The following ARHGAP19 variants were observed in gnomAD, a reference collection of about 807,000 sequenced individuals.
ARHGAP19 encodes the protein Rho GTPase activating protein 19.
Under a neutral mutation model 60.9 loss-of-function variants are expected in ARHGAP19, and 48 were observed. The observed-to-expected ratio is 0.79, with a 90% confidence interval of 0.62 to 1.00. The LOEUF is 1.00. ARHGAP19 is among the 50% of genes least tolerant of loss of function. The pLI is 0.00. For synonymous variants in ARHGAP19, 209 were observed against 215.5 expected (o/e 0.97, Z 0.27); for missense variants, 562 against 597.2 (o/e 0.94, Z 0.61).
chr10:97,244,766 C>A (rs1842538793), intron 7 of ARHGAP19, among the ~76,000 whole-genome samples: 1 of 151,958 alleles, frequency 6.6e-6, no homozygotes, highest in African/African-American at 2.4e-5. Context: ...GAGGGAGAAA[C>A]AAATAGGAGC....
chr10:97,236,493 G>A (rs1263175724), intron 8 of ARHGAP19, among the ~76,000 whole-genome samples: 1 of 152,090 alleles, frequency 6.6e-6, no homozygotes, highest in Non-Finnish European at 1.5e-5. Context: ...AGTAAAAAAT[G>A]CATCTTTCCT....
Position 97,265,944 on chromosome 10 carries a change from T to A in ARHGAP19, c.238A>T (p.Met80Leu). The change falls in exon 2 of 12, where the codon ATG becomes TTG. Residue 80 changes from methionine to leucine, a missense_variant. Transcript: ENST00000358531. Reference sequence around the variant, plus strand: ...GGCAACTTAAGGTCCACTTCCCCCATCAGCTGAGCCAACTCAGTTCCAGGT... The same window carrying A: ...GGCAACTTAAGGTCCACTTCCCCCAACAGCTGAGCCAACTCAGTTCCAGGT... ...DLPGTELAQLMGEVDLKLPGG... is the reference protein window; with the variant it reads ...DLPGTELAQLLGEVDLKLPGG... The A allele has an allele frequency of 3.1e-6, 5 of 1,614,088 alleles. No individual in the cohort carries two copies. The highest frequency in any genetic ancestry group is 4.2e-6 in the Non-Finnish European group (5 of 1,180,020).
chr10:97,236,256 C>T (rs1842376550), intron 8 of ARHGAP19, among the ~76,000 whole-genome samples: 1 of 152,130 alleles, frequency 6.6e-6, no homozygotes, highest in African/African-American at 2.4e-5. Flanking sequence ...GGATTACAGG[C>T]GTGAGACACC....
intron 5 of ARHGAP19, among the ~76,000 whole-genome samples, chr10:97,257,391 G>A (rs1158382811): frequency 1.3e-5 from 2 of 148,442 alleles, no homozygotes; most frequent in African/African-American, 2.5e-5. Flanking sequence ...TGGCTCAAGC[G>A]ATCCTCCCAC....
intron 1 of ARHGAP19, among the ~76,000 whole-genome samples, chr10:97,273,558 G>T (rs555746304): frequency 1.5e-5 from 2 of 136,472 alleles, no homozygotes; most frequent in African/African-American, 5.5e-5. Context: ...GCACTATCCT[G>T]GCTCACTGTA....
intron 1 of ARHGAP19, among the ~76,000 whole-genome samples, chr10:97,272,190 C>G (rs1758241151): frequency 8.1e-6 from 1 of 124,040 alleles, no homozygotes; most frequent in Non-Finnish European, 1.6e-5. Flanking sequence ...AACTGGAGTG[C>G]AGTGGCACGA....
Position 97,223,166 on chromosome 10 carries a change from C to T in ARHGAP19, c.*2956G>A, listed in dbSNP as rs187070612. On this transcript the variant is annotated 3_prime_UTR_variant, in exon 12 of 12. Coordinates refer to ENST00000358531, the MANE Select transcript of ARHGAP19 (RefSeq NM_032900.6). Reference sequence around the variant, plus strand: ...ACTAGCCCATTTCCCAAGGGTGTTCCCTTGTCCTTCCTGAATGACTCTGGA... The same window carrying T: ...ACTAGCCCATTTCCCAAGGGTGTTCTCTTGTCCTTCCTGAATGACTCTGGA... 1.3e-5 allele frequency: 2 copies of T among 152,296 alleles called. No homozygotes were observed. Among genetic ancestry groups the T allele is most frequent in the East Asian group, 3.9e-4 (2 of 5,180 alleles). 9.4% of individuals were successfully genotyped at this position (152,296 alleles called of 1,614,324 possible).
At chr10:97,258,210 T>A (rs1842781510) in intron 5 of ARHGAP19, among the ~76,000 whole-genome samples, 1 of 152,100 alleles carries the variant, frequency 6.6e-6, no homozygotes, top group South Asian at 2.1e-4. Context: ...AAAAAATGGC[T>A]TGTAGACAGC....
chr10:97,222,579 T>G lies in ARHGAP19; in HGVS notation c.*3543A>C, dbSNP rs140043847. The G allele has an allele frequency of 4.6e-5, 7 of 152,248 alleles. No homozygotes were observed. Among genetic ancestry groups the G allele is most frequent in the African/African-American group, 1.7e-4 (7 of 41,530 alleles). 9.4% of individuals were successfully genotyped at this position (152,248 alleles called of 1,614,324 possible). On this transcript the variant is annotated 3_prime_UTR_variant, in exon 12 of 12. Coordinates refer to ENST00000358531, the MANE Select transcript of ARHGAP19 (RefSeq NM_032900.6). ...CTACGCTGGTAGAAGATCTCGGCAT[T>G]AGCTGTCTGGGGAAGCTAACTTCCT...
At chr10:97,236,879 A>T (rs1257783837) in intron 8 of ARHGAP19, among the ~76,000 whole-genome samples, 1 of 152,014 alleles carries the variant, frequency 6.6e-6, no homozygotes, top group Non-Finnish European at 1.5e-5. Flanking sequence ...AATCAGATCA[A>T]GCCTCTAGAA....
intron 1 of ARHGAP19, among the ~76,000 whole-genome samples, chr10:97,281,604 C>T (rs2247283): frequency 6.6e-6 from 1 of 152,074 alleles, no homozygotes; most frequent in Non-Finnish European, 1.5e-5. Flanking sequence ...TGTAACTTTA[C>T]GGTATTGTAA....
At chr10:97,292,523 A>G in intron 1 of ARHGAP19, 49 bp downstream of exon 1, 1 of 1,610,392 alleles carries the variant, frequency 6.2e-7, no homozygotes, top group South Asian at 1.1e-5. Flanking sequence ...CGGCAGGACT[A>G]CCAGCCCAAG....
rs775163947 is a variant in ARHGAP19, at chr10:97,244,046, C to T, written c.1107G>A (p.Thr369=). The stretch of plus-strand genomic sequence containing the variant: ...GAAACAGCTCTCTCAGTGCCTCTTC[C>T]GTATGGTGCTGGGTCTCCTCCTGGT... ...CPHQEETQHH[T]EEALRELFQH... The change falls in exon 8 of 12, where the codon ACG becomes ACA. Residue 369 remains threonine, a synonymous_variant. Transcript: ENST00000358531. 8 of 1,613,842 alleles carry T rather than the reference C, an allele frequency of 5.0e-6. No individual in the cohort carries two copies. The highest frequency in any genetic ancestry group is 6.8e-6 in the Non-Finnish European group (8 of 1,179,966).
chr10:97,269,475 T>C (rs546776935), intron 1 of ARHGAP19, among the ~76,000 whole-genome samples: 20 of 152,312 alleles, frequency 1.3e-4, no homozygotes, highest in Admixed American at 1.1e-3. Context: ...TAGGTTATTT[T>C]TCCTGTTCAA....
chr10:97,245,975 G>A (rs958633177), intron 7 of ARHGAP19, among the ~76,000 whole-genome samples: 3 of 151,936 alleles, frequency 2.0e-5, no homozygotes, highest in African/African-American at 7.3e-5. Flanking sequence ...TGTTACCCAG[G>A]CTGGAGTGCA....
chr10:97,243,769 G>T (rs1417930866), intron 8 of ARHGAP19, among the ~76,000 whole-genome samples, 199 bp downstream of exon 8: 1 of 152,146 alleles, frequency 6.6e-6, no homozygotes, highest in Non-Finnish European at 1.5e-5. Context: ...GGATCCTCCT[G>T]CTTAACTAGA....
chr10:97,281,811 T>A (rs1843089235), intron 1 of ARHGAP19, among the ~76,000 whole-genome samples: 11 of 152,168 alleles, frequency 7.2e-5, no homozygotes, highest in Admixed American at 6.6e-4. Context: ...TACAAGAGAT[T>A]TGAGCTAGAT....
chr10:97,245,761 G>A (rs537545808), intron 7 of ARHGAP19, among the ~76,000 whole-genome samples: 1 of 152,170 alleles, frequency 6.6e-6, no homozygotes, highest in East Asian at 1.9e-4. Flanking sequence ...ACATAAAATT[G>A]TCCTTTCGTT....
At chr10:97,262,612 C>T (rs1473281451) in intron 4 of ARHGAP19, among the ~76,000 whole-genome samples, 1 of 152,094 alleles carries the variant, frequency 6.6e-6, no homozygotes, top group South Asian at 2.1e-4. Context: ...TTGCAGTGAG[C>T]CGAGATTGCA....
Sources: allele counts gnomAD v4.1 joint callset (sites outside exome capture counted in the v4.1 genomes callset), GRCh38; gene constraint gnomAD v4.1.1; transcripts MANE v1.5; gene names NCBI Gene and HGNC (gene_info 2026-07-23, HGNC 2026-07-21).